The following TJP2 variants were observed in gnomAD, a reference collection of about 807,000 sequenced individuals.
TJP2 encodes Friedreich ataxia region gene X104 (tight junction protein ZO-2).
In TJP2, 91 loss-of-function variants were observed where a neutral mutation model predicts 133.1. That is an observed-to-expected ratio of 0.68 (90% CI 0.58 to 0.81). The LOEUF (loss-of-function observed/expected upper bound fraction) is 0.81, where lower values mean the gene tolerates loss of function less well. Ranked by LOEUF, TJP2 falls within the 40% of genes least tolerant of loss-of-function variation. TJP2 has a pLI of 0.00. For missense variants in TJP2, 1,541 were observed against 1,565.6 expected (o/e 0.98, Z 0.26); for synonymous variants, 592 against 583.4 (o/e 1.01, Z -0.21).
rs772017054 is a variant in TJP2, at chr9:69,216,480, G to A, written c.239+17G>A. ...GCTGCTCCAGTGAGTGTCCTCCCTC[G>A]CTCCGCAGCCCCTACCAGCCCTACT... On this transcript the variant is annotated intron_variant, in intron 3 of 22. Coordinates refer to ENST00000377245, the MANE Select transcript of TJP2 (RefSeq NM_004817.4). 1.9e-5 allele frequency: 30 copies of A among 1,613,688 alleles called. No homozygotes were observed. The highest frequency in any genetic ancestry group is 2.7e-5 in the African/African-American group (2 of 74,900).
chr9:69,169,369 T>TTG (rs564265872), upstream of TJP2, among the ~76,000 whole-genome samples: 600 of 120,046 alleles, frequency 5.0e-3, 13 homozygotes, highest in African/African-American at 0.012. Flanking sequence ...TTTTTTTTTT[T>TTG]GGGGGGGGGA....
intron 1 of TJP2, among the ~76,000 whole-genome samples, chr9:69,204,109 A>G (rs1393941256): frequency 6.6e-6 from 1 of 151,620 alleles, no homozygotes; most frequent in East Asian, 1.9e-4. Context: ...TCGCCACTGT[A>G]TAAAGAAGGG....
intron 1 of TJP2, among the ~76,000 whole-genome samples, chr9:69,138,844 G>A (rs1822889933): frequency 1.3e-5 from 2 of 152,200 alleles, no homozygotes; most frequent in African/African-American, 4.8e-5. Context: ...TTGAACCTGG[G>A]AGGCGGATGT....
intron 16 of TJP2, 150 bp downstream of exon 16, chr9:69,238,939 A>G (rs959948729): frequency 7.3e-5 from 53 of 727,558 alleles, no homozygotes; most frequent in Middle Eastern, 3.7e-4. Context: ...TGTAATCCCA[A>G]CACTTTGAGA....
chr9:69,179,624 C>G (rs1278134599), intron 1 of TJP2, among the ~76,000 whole-genome samples: 1 of 151,828 alleles, frequency 6.6e-6, no homozygotes, highest in Non-Finnish European at 1.5e-5. Context: ...TTCAGCCTCC[C>G]CAGTAGCTGG....
intron 2 of TJP2, among the ~76,000 whole-genome samples, chr9:69,158,024 A>C (rs7872806): frequency 6.6e-6 from 1 of 151,836 alleles, no homozygotes; most frequent in African/African-American, 2.4e-5. Context: ...AGAGGCAGGC[A>C]CAGTGGCTGG....
Position 69,153,277 on chromosome 9 carries a change from C to T in TJP2, c.-10+1506C>T, listed in dbSNP as rs997994193. 7.5e-4 allele frequency among the ~76,000 whole-genome samples: 114 copies of T among 152,090 alleles called. 2 individuals carry two copies. The highest frequency in any genetic ancestry group is 2.5e-3 in the African/African-American group (103 of 41,510). ...AAACATGAGAAGACAGATACCTGCT[C>T]AGACTCCAGAAATTGTTTTCCTTGT... On this transcript the variant is annotated intron_variant, in intron 2 of 5. Transcript: ENST00000423935.
intron 2 of TJP2, among the ~76,000 whole-genome samples, chr9:69,160,455 C>T (rs906170802): frequency 2.2e-4 from 34 of 152,320 alleles, no homozygotes; most frequent in African/African-American, 7.7e-4. Flanking sequence ...TATGACTCCA[C>T]ACCTTGCTTG....
rs190633011 is a variant in TJP2, at chr9:69,250,300, C to T, written c.2992-735C>T. Among the ~76,000 whole-genome samples the T allele has an allele frequency of 2.6e-4, 40 of 152,150 alleles. 1 individual carries two copies. The East Asian group carries it at 7.4e-3, about 28-fold the overall frequency. ...TGTATTTTTAGTAGAGATGGGGTTT[C>T]GACATGTTGGCCAGGCTGGTCTCGA... On this transcript the variant is annotated intron_variant, in intron 20 of 22. Transcript: ENST00000377245.
At chr9:69,137,295 C>CTTTCTTTTCT (rs58232602) in intron 1 of TJP2, among the ~76,000 whole-genome samples, 15 of 69,468 alleles carry the variant, frequency 2.2e-4, no homozygotes, top group Middle Eastern at 7.4e-3. Flanking sequence ...TTCTTTCTTT[C>CTTTCTTTTCT]TTTCTTTTCT....
chr9:69,139,273 T>A (rs913871294), intron 1 of TJP2, among the ~76,000 whole-genome samples: 1 of 152,202 alleles, frequency 6.6e-6, no homozygotes, highest in Admixed American at 6.5e-5. Flanking sequence ...ATGGGTTGAA[T>A]TATATTTCCC....
chr9:69,191,061 T>C (rs1826172325), intron 1 of TJP2, among the ~76,000 whole-genome samples: 1 of 152,166 alleles, frequency 6.6e-6, no homozygotes, highest in Non-Finnish European at 1.5e-5. Context: ...GCTGGCTGCA[T>C]GAGATGCCCC....
intron 4 of TJP2, among the ~76,000 whole-genome samples, chr9:69,219,172 T>C (rs1019792700): frequency 2.0e-5 from 3 of 152,192 alleles, no homozygotes; most frequent in Non-Finnish European, 2.9e-5. Context: ...TTTCACCATG[T>C]TGGTCAGGCT....
chr9:69,220,213 T>C (rs1272543110), intron 4 of TJP2, among the ~76,000 whole-genome samples: 2 of 152,178 alleles, frequency 1.3e-5, no homozygotes, highest in African/African-American at 4.8e-5. Flanking sequence ...TTATGCATAA[T>C]GCATAGTTAT....
intron 2 of TJP2, among the ~76,000 whole-genome samples, chr9:69,160,936 G>A (rs1263448023): frequency 1.3e-5 from 2 of 152,154 alleles, no homozygotes; most frequent in East Asian, 3.8e-4. Flanking sequence ...CCCATACCTT[G>A]TGGGAATTCA....
intron 2 of TJP2, among the ~76,000 whole-genome samples, chr9:69,168,776 T>C (rs555530377): frequency 2.1e-4 from 30 of 145,306 alleles, no homozygotes; most frequent in African/African-American, 5.9e-4. Context: ...CAATCCAGCC[T>C]GAGCAACAAG....
intron 21 of TJP2, among the ~76,000 whole-genome samples, chr9:69,252,042 T>A (rs961042995): frequency 1.3e-5 from 2 of 152,188 alleles, no homozygotes; most frequent in African/African-American, 4.8e-5. Context: ...TCACCCCGGC[T>A]GGAGTGTAGC....
At position 69,225,228 on chromosome 9, in the gene TJP2, A is replaced by C; in HGVS notation, c.953-76A>C. On this transcript the variant is annotated intron_variant, in intron 5 of 22. Transcript: ENST00000377245. ...ATTAACTTTTTAATACATATTTTAAAATAGTCCTATAAACCAGACTAAGTT... is the reference window on the plus strand; with the variant it reads ...ATTAACTTTTTAATACATATTTTAACATAGTCCTATAAACCAGACTAAGTT... The C allele has an allele frequency of 2.2e-6, 2 of 924,824 alleles. 1 individual carries two copies. Among genetic ancestry groups the C allele is most frequent in the South Asian group, 2.8e-5 (2 of 71,474 alleles). 57.3% of individuals were successfully genotyped at this position (924,824 alleles called of 1,614,324 possible).
rs1310649785 is a variant in TJP2 at position 69,246,738 on chromosome 9, A to G, written c.2615A>G (p.Lys872Arg). 1 of 1,614,168 alleles carries G rather than the reference A, an allele frequency of 6.2e-7. No homozygotes were observed. Among genetic ancestry groups the G allele is most frequent in the Non-Finnish European group, 8.5e-7 (1 of 1,180,018 alleles). ...AATGATAGCTGGTTTGGCAGCTTAA[A>G]GGACACTATTCAGCATCAGCAAGGA... ...SANDSWFGSL[K>R]DTIQHQQGEA... The change falls in exon 18 of 23, where the codon AAG becomes AGG. Residue 872 changes from lysine to arginine, a missense_variant. Coordinates refer to ENST00000377245, the MANE Select transcript of TJP2 (RefSeq NM_004817.4).
Sources: allele counts gnomAD v4.1 joint callset (sites outside exome capture counted in the v4.1 genomes callset), GRCh38; gene constraint gnomAD v4.1.1; transcripts MANE v1.5; gene names NCBI Gene and HGNC (gene_info 2026-07-23, HGNC 2026-07-21).